STRIT1: variants seen among roughly 807,000 people sequenced by gnomAD.
STRIT1 encodes the protein sarcoplasmic/endoplasmic reticulum calcium ATPase regulator DWORF.
At chr3:155,291,167 A>G in intron 1 of STRIT1, 129 bp from the exon 2 acceptor site, 1 of 391,820 alleles carries the variant, frequency 2.6e-6, no homozygotes, top group Non-Finnish European at 4.5e-6. Flanking sequence ...ACCCATACAT[A>G]ATTATTTTTT....
intron 1 of STRIT1, 71 bp from the exon 2 acceptor site, chr3:155,291,109 A>G (rs1408232245): frequency 2.5e-6 from 1 of 397,344 alleles, no homozygotes; most frequent in East Asian, 3.6e-5. Context: ...TCAAGAGAAT[A>G]AAAGGAATTT....
intron 1 of STRIT1, among the ~76,000 whole-genome samples, chr3:155,291,540 G>C (rs199655992): frequency 6.6e-6 from 1 of 152,146 alleles, no homozygotes; most frequent in African/African-American, 2.4e-5. Context: ...ATTGAGAACT[G>C]TCCTTGGCCT....
chr3:155,290,998 GAGA>G lies in STRIT1; in HGVS notation c.51_53del (p.Leu19del). On this transcript the variant is annotated inframe_deletion, in exon 2 of 3. Transcript: ENST00000489090. The stretch of plus-strand genomic sequence containing the variant: ...TGCAGCCCACAATCCAGCCAATCAG[GAGA>G]AGAATAGGAACCAGAAGGTGTGAAA... 1 of 398,658 alleles carries G rather than the reference GAGA, an allele frequency of 2.5e-6. No individual in the cohort carries two copies. The highest frequency in any genetic ancestry group is 4.4e-5 in the Admixed American group (1 of 22,722). 24.7% of individuals were successfully genotyped at this position (398,658 alleles called of 1,614,324 possible).
chr3:155,291,328 C>T (rs1269568122), intron 1 of STRIT1: 1 of 246,946 alleles, frequency 4.0e-6, no homozygotes, highest in Non-Finnish European at 7.6e-6. Flanking sequence ...CTCTCTACCT[C>T]CTGGAATAGT....
chr3:155,293,139 T>A (rs552919285), intron 1 of STRIT1, among the ~76,000 whole-genome samples: 1 of 152,158 alleles, frequency 6.6e-6, no homozygotes, highest in African/African-American at 2.4e-5. Context: ...TACAAAAAAA[T>A]GTTTAAAAAC....
At chr3:155,291,073 G>A (rs1473918747) in intron 1 of STRIT1, 35 bp from the exon 2 acceptor site, 2 of 398,098 alleles carry the variant, frequency 5.0e-6, no homozygotes, top group Non-Finnish European at 8.9e-6. Context: ...GATTATATTG[G>A]TCATTTTCAT....
rs1277027827 is a variant in STRIT1 at position 155,290,973 on chromosome 3, T to C, written c.79A>G (p.Ile27Val). ...GAGAAGACAACATAAATCATTATGATGCAGCCCACAATCCAGCCAATCAGG... is the reference window on the plus strand; with the variant it reads ...GAGAAGACAACATAAATCATTATGACGCAGCCCACAATCCAGCCAATCAGG... ...LLLIGWIVGC[I>V]IMIYVVFS is the part of the protein sequence containing the mutation. Residue 27 changes from isoleucine to valine, a missense_variant, in exon 2 of 3, where the codon ATC becomes GTC. Ile to Val is a conservative substitution (Grantham distance 29). Coordinates refer to ENST00000489090, the MANE Select transcript of STRIT1 (RefSeq NM_001352129.2). The C allele has an allele frequency of 2.5e-6, 1 of 398,604 alleles. No individual in the cohort carries two copies. Among genetic ancestry groups the C allele is most frequent in the African/African-American group, 2.1e-5 (1 of 48,614 alleles). The allele number at this position is 398,604 out of a possible 1,614,324, so 24.7% of individuals were successfully genotyped here.
chr3:155,290,654 G>T lies in STRIT1; in HGVS notation c.*197C>A. ...CACAGCTAAACATTTTTCTCACTCA[G>T]AATATAGAGAAATTCACTCATAATT... On this transcript the variant is annotated 3_prime_UTR_variant, in exon 3 of 3. Coordinates refer to ENST00000489090, the MANE Select transcript of STRIT1 (RefSeq NM_001352129.2). The T allele has an allele frequency of 4.4e-6, 1 of 225,808 alleles. No individual in the cohort carries two copies. 14.0% of individuals were successfully genotyped at this position (225,808 alleles called of 1,614,324 possible).
chr3:155,291,195 C>T (rs74497374), intron 1 of STRIT1, 157 bp from the exon 2 acceptor site: 4,519 of 381,258 alleles, frequency 0.012, 165 homozygotes, highest in African/African-American at 0.085. Context: ...ACAGAGAATA[C>T]GTGAGACTGT....
At chr3:155,293,315 A>G (rs763762387) in intron 1 of STRIT1, among the ~76,000 whole-genome samples, 5 of 152,118 alleles carry the variant, frequency 3.3e-5, no homozygotes, top group South Asian at 2.1e-4. Flanking sequence ...ACTGTCTTCA[A>G]TTCTGGCTCA....
At chr3:155,293,575 CTT>C (rs141586481) in intron 1 of STRIT1, 43 bp downstream of exon 1, 3,046 of 353,280 alleles carry the variant, frequency 8.6e-3, no homozygotes, top group Middle Eastern at 0.013. Flanking sequence ...GTCAAGAAGC[CTT>C]TTTTTTTTTT....
rs1715609330 is a variant in STRIT1 at position 155,290,495 on chromosome 3, G to T, written c.*356C>A. 1 of 137,722 alleles carries T rather than the reference G, an allele frequency of 7.3e-6. No homozygotes were observed. Among genetic ancestry groups the T allele is most frequent in the Non-Finnish European group, 1.5e-5 (1 of 65,712 alleles). The allele number at this position is 137,722 out of a possible 1,614,324, so 8.5% of individuals were successfully genotyped here. A position where few individuals can be genotyped will look rare whatever the true frequency, so the allele number is the denominator to read the frequency against. ...GCTCAAAGGATCCTCACAAAGTGCT[G>T]GGATTACAGGCATGAGCCACCTTGC... On this transcript the variant is annotated 3_prime_UTR_variant, in exon 3 of 3. Transcript: ENST00000489090.
rs1273588347 is a variant in STRIT1 at position 155,290,827 on chromosome 3, T to G, written c.*24A>C. The G allele has an allele frequency of 5.1e-6, 2 of 394,170 alleles. No homozygotes were observed. The highest frequency in any genetic ancestry group is 9.0e-6 in the Non-Finnish European group (2 of 223,384). The allele number at this position is 394,170 out of a possible 1,614,324, so 24.4% of individuals were successfully genotyped here. A position where few individuals can be genotyped will look rare whatever the true frequency, so the allele number is the denominator to read the frequency against. On this transcript the variant is annotated 3_prime_UTR_variant, in exon 3 of 3. Coordinates refer to ENST00000489090, the MANE Select transcript of STRIT1 (RefSeq NM_001352129.2). ...GTTTTCTTAATTCTTCTAAATGATG[T>G]CAATCTGATATCTTCTTGCCTGAAA...
At chr3:155,293,458 A>C (rs1214126909) in intron 1 of STRIT1, among the ~76,000 whole-genome samples, 162 bp downstream of exon 1, 1 of 152,200 alleles carries the variant, frequency 6.6e-6, no homozygotes, top group East Asian at 1.9e-4. Context: ...TTACATAATT[A>C]ATGCATTTTT....
At chr3:155,291,531 T>C (rs909695497) in intron 1 of STRIT1, among the ~76,000 whole-genome samples, 1 of 152,166 alleles carries the variant, frequency 6.6e-6, no homozygotes, top group Non-Finnish European at 1.5e-5. Flanking sequence ...AGGAAAGGTA[T>C]TGAGAACTGT....
intron 1 of STRIT1, among the ~76,000 whole-genome samples, chr3:155,293,066 C>A (rs1304957834): frequency 6.6e-6 from 1 of 151,934 alleles, no homozygotes; most frequent in East Asian, 1.9e-4. Flanking sequence ...TTCTTAGATA[C>A]AGTATATATT....
intron 1 of STRIT1, among the ~76,000 whole-genome samples, chr3:155,291,990 T>C (rs1715649337): frequency 6.6e-6 from 1 of 152,162 alleles, no homozygotes; most frequent in Non-Finnish European, 1.5e-5. Context: ...CTTATGCCAT[T>C]AGTTAAAAGA....
Position 155,292,921 on chromosome 3 carries a change from G to A in STRIT1, c.13+699C>T, listed in dbSNP as rs76478743. 1.7e-4 allele frequency among the ~76,000 whole-genome samples: 26 copies of A among 152,200 alleles called. No homozygotes were observed. In the East Asian group the frequency reaches 4.4e-3, roughly 26 times the overall value. ...ACACCTGGTGCCACCACTCTTTAGC[G>A]ATCATGAACAAGTTACTAAACTGCT... On this transcript the variant is annotated intron_variant, in intron 1 of 2. Coordinates refer to ENST00000489090, the MANE Select transcript of STRIT1 (RefSeq NM_001352129.2).
intron 1 of STRIT1, chr3:155,291,347 T>A: frequency 4.9e-6 from 1 of 204,876 alleles, no homozygotes; most frequent in East Asian, 1.0e-4. Flanking sequence ...GTTTTGAACA[T>A]CAAATGACAT....
Sources: gnomAD v4.1 joint callset for allele counts (sites outside exome capture counted in the v4.1 genomes callset) on GRCh38, gnomAD v4.1.1 for gene constraint, MANE v1.5 for transcripts, NCBI Gene and HGNC (gene_info 2026-07-23, HGNC 2026-07-21) for gene names.